The following NT5E variants were observed in gnomAD, a reference collection of about 807,000 sequenced individuals.
NT5E encodes the protein 5'-nucleotidase ecto, also known as 5'-nucleotidase.
In NT5E, 53 loss-of-function variants were observed where a neutral mutation model predicts 55.1. That is an observed-to-expected ratio of 0.96 (90% CI 0.77 to 1.21). The LOEUF is 1.21. NT5E is among the 50% of genes most tolerant of loss of function. The probability of loss-of-function intolerance (pLI) is 0.00; values close to 1 mark genes in which losing one functional copy is unlikely to be tolerated. For synonymous variants in NT5E, 270 were observed against 278.4 expected, an observed-to-expected ratio of 0.97 and a Z score of 0.30; for missense variants, 683 against 724.3, an observed-to-expected ratio of 0.94 and a Z score of 0.65.
intron 1 of NT5E, 81 bp from the exon 2 acceptor site, chr6:85,466,978 GC>G: frequency 7.7e-7 from 1 of 1,290,896 alleles, no homozygotes; most frequent in South Asian, 1.3e-5. Flanking sequence ...GTCTCATAGA[GC>G]TTAGTCAGTT....
rs200250022 is a variant in NT5E at position 85,450,323 on chromosome 6, G to T, written c.184G>T (p.Ala62Ser). The change falls in exon 1 of 9, where the codon GCT becomes TCT. Residue 62 changes from alanine (A) to serine (S), a missense_variant. Transcript: ENST00000257770. The surrounding 1 kb of genome is among the most constrained non-coding windows in gnomAD (Gnocchi z 4.0). ...VNASRCMGGVARLFTKVQQIR... is the reference protein window; with the variant it reads ...VNASRCMGGVSRLFTKVQQIR... ...CGCCAGCCGCTGCATGGGTGGCGTGGCTCGGCTCTTCACCAAGGTTCAGCA... is the reference window on the plus strand; with the variant it reads ...CGCCAGCCGCTGCATGGGTGGCGTGTCTCGGCTCTTCACCAAGGTTCAGCA... 207 of 1,600,680 alleles carry T rather than the reference G, an allele frequency of 1.3e-4. No individual in the cohort carries two copies. Among genetic ancestry groups the T allele is most frequent in the Non-Finnish European group, 7.9e-5 (93 of 1,175,000 alleles).
At chr6:85,481,843 T>C (rs1216335499) in intron 3 of NT5E, among the ~76,000 whole-genome samples, 2 of 152,232 alleles carry the variant, frequency 1.3e-5, no homozygotes, top group Non-Finnish European at 2.9e-5. Context: ...ATTTATGTTT[T>C]AGAAAGATCA....
intron 3 of NT5E, among the ~76,000 whole-genome samples, chr6:85,472,175 A>G (rs547207033): frequency 3.5e-4 from 53 of 152,336 alleles, no homozygotes; most frequent in Non-Finnish European, 5.9e-4. Context: ...GGAAAGGAAG[A>G]AGAGGCTGGT....
chr6:85,463,438 T>A (rs1285677070), intron 1 of NT5E, among the ~76,000 whole-genome samples: 4 of 152,166 alleles, frequency 2.6e-5, no homozygotes, highest in African/African-American at 9.7e-5. Flanking sequence ...AAGATCTGAT[T>A]TAGGGTCATA....
In NT5E at chr6:85,485,281, A is replaced by G; in HGVS notation, c.798A>G (p.Ile266Met). 6.2e-7 allele frequency: 1 copy of G among 1,614,176 alleles called. No individual in the cohort carries two copies. Among genetic ancestry groups the G allele is most frequent in the Non-Finnish European group, 8.5e-7 (1 of 1,180,028 alleles). ...TGCCTGCTGGGAAGTACCCATTCATAGTCACTTCTGATGATGGGCGGAAGG... is the reference window on the plus strand; with the variant it reads ...TGCCTGCTGGGAAGTACCCATTCATGGTCACTTCTGATGATGGGCGGAAGG... ...KEVPAGKYPF[I>M]VTSDDGRKVP... Residue 266 changes from isoleucine to methionine, a missense_variant, in exon 4 of 9, where the codon ATA (isoleucine) becomes ATG (methionine). Physicochemically the swap from Ile to Met is conservative, Grantham distance 10. Coordinates refer to ENST00000257770, the MANE Select transcript of NT5E (RefSeq NM_002526.4).
In NT5E at chr6:85,450,415, G is replaced by A. The variant is rs1223969492; in HGVS notation, c.276G>A (p.Trp92Ter). Residue 92 changes from tryptophan to a stop codon, truncating the protein, a stop_gained, in exon 1 of 9, where the codon TGG becomes TGA. Coordinates refer to ENST00000257770, the MANE Select transcript of NT5E (RefSeq NM_002526.4). LOFTEE classifies it high-confidence loss of function. This position sits in a 1 kb window ranked among gnomAD's most constrained non-coding sequence, Gnocchi z 4.0. ...DAGDQYQGTI[W>*]FTVYKGAEVA... ...GCGACCAGTACCAGGGCACTATCTG[G>A]TTCACCGTGTACAAGGGCGCCGAGG... is the stretch of plus-strand genomic sequence containing the variant. 3 of 1,603,762 alleles carry A rather than the reference G, an allele frequency of 1.9e-6. No homozygotes were observed. Among genetic ancestry groups the A allele is most frequent in the South Asian group, 1.1e-5 (1 of 88,728 alleles).
intron 3 of NT5E, among the ~76,000 whole-genome samples, chr6:85,476,782 C>T (rs1342477199): frequency 6.6e-6 from 1 of 152,162 alleles, no homozygotes; most frequent in Non-Finnish European, 1.5e-5. Context: ...CGAGGTCCTA[C>T]CGTCAAGCCA....
chr6:85,472,551 C>T (rs1035781111), intron 3 of NT5E, among the ~76,000 whole-genome samples: 1 of 152,174 alleles, frequency 6.6e-6, no homozygotes, highest in Admixed American at 6.5e-5. Flanking sequence ...TCACTTAGCA[C>T]CTCTGAATCT....
chr6:85,472,506 C>T (rs556949108), intron 3 of NT5E, among the ~76,000 whole-genome samples: 1 of 152,134 alleles, frequency 6.6e-6, no homozygotes, highest in East Asian at 1.9e-4. Flanking sequence ...GTCAAAAGTC[C>T]CCATTCCTAA....
chr6:85,492,004 G>A lies in NT5E; in HGVS notation c.1388G>A (p.Arg463Gln), dbSNP rs201008460. 182 of 1,614,076 alleles carry A rather than the reference G, an allele frequency of 1.1e-4. 1 individual carries two copies. The highest frequency in any genetic ancestry group is 2.4e-4 in the South Asian group (22 of 91,072). Reference sequence around the variant, plus strand: ...ATCCATGTGGTGTATGATCTTTCCCGAAAACCTGGAGACAGAGTAGTCAAA... The same window carrying A: ...ATCCATGTGGTGTATGATCTTTCCCAAAAACCTGGAGACAGAGTAGTCAAA... ...GGIHVVYDLS[R>Q]KPGDRVVKLD... Residue 463 changes from arginine to glutamine, a missense_variant, in exon 8 of 9, where the codon CGA becomes CAA. Arg to Gln is a conservative substitution (Grantham distance 43). Coordinates refer to ENST00000257770, the MANE Select transcript of NT5E (RefSeq NM_002526.4).
intron 3 of NT5E, among the ~76,000 whole-genome samples, chr6:85,474,643 A>C (rs1769388549): frequency 6.6e-6 from 1 of 152,252 alleles, no homozygotes. Context: ...TAACAATTAA[A>C]GGTGGCTGGG....
At chr6:85,463,562 AAAAAAGGTGG>A (rs1426169592) in intron 1 of NT5E, among the ~76,000 whole-genome samples, 1 of 152,214 alleles carries the variant, frequency 6.6e-6, no homozygotes, top group African/African-American at 2.4e-5. Context: ...AGAGAGGACC[AAAAAAGGTGG>A]AATAAGATTA....
intron 1 of NT5E, among the ~76,000 whole-genome samples, chr6:85,464,752 C>T (rs1475875317): frequency 1.3e-5 from 2 of 152,114 alleles, no homozygotes; most frequent in African/African-American, 4.8e-5. Flanking sequence ...TGTGGTAGTC[C>T]AGGAGCACAC....
intron 1 of NT5E, among the ~76,000 whole-genome samples, chr6:85,466,176 C>G (rs1048705121): frequency 1.3e-5 from 2 of 152,096 alleles, no homozygotes; most frequent in African/African-American, 4.8e-5. Flanking sequence ...CACTCCCCCC[C>G]AGCCCCCAAC....
At position 85,493,889 on chromosome 6, in the gene NT5E, T is replaced by C. The variant is rs776732018; in HGVS notation, c.1610T>C (p.Val537Ala). ...TCTACATATATCTCCAAAATGAAAGTAATTTATCCAGCAGTTGAAGGTCGG... is the reference window on the plus strand; with the variant it reads ...TCTACATATATCTCCAAAATGAAAGCAATTTATCCAGCAGTTGAAGGTCGG... ...VVSTYISKMK[V>A]IYPAVEGRIK... The change falls in exon 9 of 9, where the codon GTA (valine) becomes GCA (alanine). Residue 537 changes from valine to alanine, a missense_variant. Physicochemically the swap from Val to Ala is moderately conservative, Grantham distance 64. Coordinates refer to ENST00000257770, the MANE Select transcript of NT5E (RefSeq NM_002526.4). 1.9e-6 allele frequency: 3 copies of C among 1,614,066 alleles called. No individual in the cohort carries two copies.
At chr6:85,480,023 T>C (rs1769513515) in intron 3 of NT5E, among the ~76,000 whole-genome samples, 1 of 152,124 alleles carries the variant, frequency 6.6e-6, no homozygotes, top group Non-Finnish European at 1.5e-5. Flanking sequence ...GGAGCAGCCA[T>C]TACAAAAGAT....
intron 1 of NT5E, among the ~76,000 whole-genome samples, chr6:85,452,111 G>C (rs1768871962): frequency 6.6e-6 from 1 of 152,164 alleles, no homozygotes; most frequent in Non-Finnish European, 1.5e-5. Context: ...ACACTTCCCT[G>C]ATACTTTGCA....
At chr6:85,463,591 G>C (rs987534042) in intron 1 of NT5E, among the ~76,000 whole-genome samples, 3 of 152,198 alleles carry the variant, frequency 2.0e-5, no homozygotes, top group African/African-American at 7.2e-5. Context: ...TATCTGCTCT[G>C]TTATGATCCC....
rs1164956352 is a variant in NT5E at position 85,494,794 on chromosome 6, G to C, written c.*790G>C. 1 of 152,258 alleles carries C rather than the reference G, an allele frequency of 6.6e-6. No homozygotes were observed. Among genetic ancestry groups the C allele is most frequent in the Non-Finnish European group, 1.5e-5 (1 of 68,080 alleles). The allele number at this position is 152,258 out of a possible 1,614,324, so 9.4% of individuals were successfully genotyped here. On this transcript the variant is annotated 3_prime_UTR_variant, in exon 9 of 9. Coordinates refer to ENST00000257770, the MANE Select transcript of NT5E (RefSeq NM_002526.4). Reference sequence around the variant, plus strand: ...ATGAGAAAGGCCAGAGGCTGCAAAAGACAGTCAAAGGACACGAGAGAAAGG... The same window carrying C: ...ATGAGAAAGGCCAGAGGCTGCAAAACACAGTCAAAGGACACGAGAGAAAGG...
Sources: gnomAD v4.1 joint callset for allele counts (sites outside exome capture counted in the v4.1 genomes callset) on GRCh38, gnomAD v4.1.1 for gene constraint, Gnocchi (gnomAD v3.1) non-coding constraint, MANE v1.5 for transcripts, NCBI Gene and HGNC (gene_info 2026-07-23, HGNC 2026-07-21) for gene names.